The following IL1RAPL2 variants were observed in gnomAD, a reference collection of about 807,000 sequenced individuals.
IL1RAPL2 encodes interleukin 1 receptor accessory protein like 2, also known as X-linked interleukin-1 receptor accessory protein-like 2.
Under a neutral mutation model 44.1 loss-of-function variants are expected in IL1RAPL2, and 3 were observed. That is an observed-to-expected ratio of 0.07 (90% CI 0.03 to 0.18). The LOEUF (loss-of-function observed/expected upper bound fraction) is 0.18, where lower values mean the gene tolerates loss of function less well. Ranked by LOEUF, IL1RAPL2 falls within the 10% of genes least tolerant of loss-of-function variation. The pLI, the probability that IL1RAPL2 is intolerant of heterozygous loss-of-function variation, is 1.00. For synonymous variants in IL1RAPL2, 181 were observed against 178.8 expected, an observed-to-expected ratio of 1.01 and a Z score of -0.10; for missense variants, 391 against 496.4, an observed-to-expected ratio of 0.79 and a Z score of 2.02.
chrX:105,448,260 C>A (rs745364116), intron 5 of IL1RAPL2, among the ~76,000 whole-genome samples: 1 of 109,760 alleles, frequency 9.1e-6, no homozygotes, highest in Non-Finnish European at 1.9e-5. Context: ...CCTTCTTGTA[C>A]TTGAATGCTG....
rs147383045 is a variant in IL1RAPL2 at position 104,706,869 on chromosome X, G to C, written c.82+47874G>C. 2.5e-4 allele frequency among the ~76,000 whole-genome samples: 28 copies of C among 111,549 alleles called. No individual in the cohort carries two copies. In the East Asian group the frequency reaches 4.6e-3, roughly 18 times the overall value. Reference sequence around the variant, plus strand: ...AACAGCAGAAAGTACACCTGCCTTTGCTTGTATGCAGATTCATATATATTG... The same window carrying C: ...AACAGCAGAAAGTACACCTGCCTTTCCTTGTATGCAGATTCATATATATTG... On this transcript the variant is annotated intron_variant, in intron 2 of 10. Coordinates refer to ENST00000372582, the MANE Select transcript of IL1RAPL2 (RefSeq NM_017416.2).
At chrX:105,464,934 G>T (rs1337299660) in intron 5 of IL1RAPL2, among the ~76,000 whole-genome samples, 1 of 111,255 alleles carries the variant, frequency 9.0e-6, no homozygotes, top group Non-Finnish European at 1.9e-5. Flanking sequence ...TTGGGATATG[G>T]GGGAAAATCA....
intron 5 of IL1RAPL2, among the ~76,000 whole-genome samples, chrX:105,383,857 G>T (rs1016536327): frequency 4.5e-5 from 5 of 111,384 alleles, no homozygotes; most frequent in African/African-American, 1.6e-4. Flanking sequence ...TCTAATGATT[G>T]GTGATGTGGA....
intron 6 of IL1RAPL2, among the ~76,000 whole-genome samples, chrX:105,496,503 G>A (rs1240339022): frequency 8.9e-6 from 1 of 112,577 alleles, no homozygotes. Context: ...TTTAACAATA[G>A]TACCTCATAT....
intron 2 of IL1RAPL2, among the ~76,000 whole-genome samples, chrX:104,666,031 A>G (rs1023547749): frequency 2.7e-5 from 3 of 111,421 alleles, no homozygotes; most frequent in African/African-American, 6.5e-5. Context: ...AAAACATTTC[A>G]TTGTTTACTA....
At chrX:105,115,578 T>TA (rs768756844) in intron 2 of IL1RAPL2, among the ~76,000 whole-genome samples, 9 of 112,187 alleles carry the variant, frequency 8.0e-5, no homozygotes, top group South Asian at 3.7e-4. Context: ...TTGGTGTATT[T>TA]AAAAAACCTT....
Position 104,611,002 on chromosome X carries a change from A to G in IL1RAPL2, c.-20+43951A>G, listed in dbSNP as rs1290712709. Among the ~76,000 whole-genome samples, 3 of 111,459 alleles carry G rather than the reference A, an allele frequency of 2.7e-5. No homozygotes were observed. In the East Asian group the frequency reaches 8.5e-4, roughly 32 times the overall value. On this transcript the variant is annotated intron_variant, in intron 1 of 10. Coordinates refer to ENST00000372582, the MANE Select transcript of IL1RAPL2 (RefSeq NM_017416.2). ...ACCAATGGAGGCTGTAGAACAGCAA[A>G]TATTGCTGCCTGATCCTTCCTCTGG...
At chrX:104,912,429 A>G (rs1924272499) in intron 2 of IL1RAPL2, among the ~76,000 whole-genome samples, 1 of 110,599 alleles carries the variant, frequency 9.0e-6, no homozygotes, top group Non-Finnish European at 1.9e-5. Context: ...TTCTAGTTTC[A>G]AAAGGCAATC....
intron 2 of IL1RAPL2, among the ~76,000 whole-genome samples, chrX:104,682,810 G>A (rs780704641): frequency 2.9e-4 from 32 of 111,976 alleles, no homozygotes; most frequent in African/African-American, 8.7e-4. Context: ...GGTTGTATGA[G>A]CATTCTGATT....
chrX:105,214,836 C>T (rs1368595280), intron 3 of IL1RAPL2, among the ~76,000 whole-genome samples: 1 of 112,167 alleles, frequency 8.9e-6, no homozygotes, highest in Non-Finnish European at 1.9e-5. Flanking sequence ...AACCGCACAA[C>T]TACATGGAAA....
At chrX:105,586,865 TA>T (rs959333656) in intron 6 of IL1RAPL2, among the ~76,000 whole-genome samples, 1 of 112,367 alleles carries the variant, frequency 8.9e-6, no homozygotes, top group Non-Finnish European at 1.9e-5. Flanking sequence ...GGTATTTAAA[TA>T]AAAAATTATA....
Position 105,709,926 on chromosome X carries a change from A to G in IL1RAPL2, c.773-7441A>G, listed in dbSNP as rs957458921. ...TTGGTGACACAACTATGTAAGTCTT[A>G]TAACTAAACAATTCCTCATCCAGTG... On this transcript the variant is annotated intron_variant, in intron 6 of 10. Coordinates refer to ENST00000372582, the MANE Select transcript of IL1RAPL2 (RefSeq NM_017416.2). Among the ~76,000 whole-genome samples, 3 of 111,868 alleles carry G rather than the reference A, an allele frequency of 2.7e-5. 1 individual carries two copies. The South Asian group carries it at 1.1e-3, about 41-fold the overall frequency.
At chrX:105,294,823 C>A (rs1438209478) in intron 5 of IL1RAPL2, among the ~76,000 whole-genome samples, 1 of 111,749 alleles carries the variant, frequency 8.9e-6, no homozygotes, top group Non-Finnish European at 1.9e-5. Context: ...ATGTAATGTT[C>A]ACAGTAACCT....
At chrX:105,345,542 A>C (rs2147701906) in intron 5 of IL1RAPL2, among the ~76,000 whole-genome samples, 1 of 109,185 alleles carries the variant, frequency 9.2e-6, no homozygotes, top group South Asian at 3.8e-4. Context: ...GTAAATATTC[A>C]TCTAATTATC....
chrX:105,193,368 G>A (rs1331160452), intron 2 of IL1RAPL2, among the ~76,000 whole-genome samples: 1 of 111,146 alleles, frequency 9.0e-6, no homozygotes, highest in Non-Finnish European at 1.9e-5. Flanking sequence ...GGTTTATTTT[G>A]TTTCTATTAA....
At chrX:105,356,606 T>A (rs1300873512) in intron 5 of IL1RAPL2, among the ~76,000 whole-genome samples, 3 of 111,545 alleles carry the variant, frequency 2.7e-5, no homozygotes, top group Admixed American at 9.5e-5. Context: ...GCCACAAGCC[T>A]GGCTCACTCC....
chrX:105,358,253 GT>G (rs1275396148), intron 5 of IL1RAPL2, among the ~76,000 whole-genome samples: 2 of 106,383 alleles, frequency 1.9e-5, no homozygotes, highest in Non-Finnish European at 3.9e-5. Context: ...CACCTTATAT[GT>G]TTTTTTTCCT....
Position 105,161,069 on chromosome X carries a change from A to G in IL1RAPL2, c.83-34406A>G, listed in dbSNP as rs1200716159. On this transcript the variant is annotated intron_variant, in intron 2 of 10. Transcript: ENST00000372582. ...AGCCTGGGCAACATAGTAAAACACA[A>G]TCTCTACAAAAAATAAAAAACAATA... Among the ~76,000 whole-genome samples the G allele has an allele frequency of 2.7e-5, 3 of 110,216 alleles. No individual in the cohort carries two copies. The Admixed American group carries it at 2.9e-4, about 11-fold the overall frequency.
intron 1 of IL1RAPL2, among the ~76,000 whole-genome samples, chrX:104,658,624 CA>C (rs1254797659): frequency 1.2e-4 from 13 of 112,037 alleles, no homozygotes; most frequent in East Asian, 2.8e-4. Flanking sequence ...TAAAAAAATA[CA>C]AAAAAATTGA....
Sources: allele counts gnomAD v4.1 joint callset (sites outside exome capture counted in the v4.1 genomes callset), GRCh38; gene constraint gnomAD v4.1.1; transcripts MANE v1.5; gene names NCBI Gene and HGNC (gene_info 2026-07-23, HGNC 2026-07-21).